AGBL1: variants seen among roughly 807,000 people sequenced by gnomAD.
AGBL1 encodes cytosolic carboxypeptidase 4.
A neutral mutation model predicts 118.9 loss-of-function variants in AGBL1; 130 were observed. That is an observed-to-expected ratio of 1.09 (90% CI 0.95 to 1.26). AGBL1 has a LOEUF of 1.26. Ranked by LOEUF, AGBL1 falls within the 50% of genes most tolerant of loss-of-function variation. The pLI, the probability that AGBL1 is intolerant of heterozygous loss-of-function variation, is 0.00. For missense variants in AGBL1, 1,584 were observed against 1,298.1 expected (o/e 1.22, Z -3.38); for synonymous variants, 555 against 478.9 (o/e 1.16, Z -2.08).
chr15:86,220,103 C>T (rs2078257717), intron 5 of AGBL1, among the ~76,000 whole-genome samples: 1 of 152,008 alleles, frequency 6.6e-6, no homozygotes, highest in Non-Finnish European at 1.5e-5. Flanking sequence ...AGGGGCCTGC[C>T]ACCATGCCCA....
chr15:86,199,841 C>G (rs2077875135), intron 5 of AGBL1, among the ~76,000 whole-genome samples: 1 of 152,136 alleles, frequency 6.6e-6, no homozygotes, highest in Admixed American at 6.5e-5. Context: ...TATGTATCAA[C>G]AAATACTCTG....
intron 5 of AGBL1, among the ~76,000 whole-genome samples, chr15:86,166,441 C>A (rs563770160): frequency 7.2e-5 from 11 of 152,276 alleles, no homozygotes; most frequent in Middle Eastern, 3.4e-3. Flanking sequence ...GCAGACAGGG[C>A]CTCTGCTTTG....
At chr15:86,654,753 G>A (rs1488951198) in intron 21 of AGBL1, among the ~76,000 whole-genome samples, 2 of 152,026 alleles carry the variant, frequency 1.3e-5, no homozygotes, top group African/African-American at 4.8e-5. Context: ...TCCCCTTCAT[G>A]GTAAACCTTT....
At chr15:86,234,771 G>A (rs939013624) in intron 6 of AGBL1, among the ~76,000 whole-genome samples, 2 of 152,172 alleles carry the variant, frequency 1.3e-5, no homozygotes, top group Admixed American at 6.5e-5. Context: ...GTTTAAAAGA[G>A]TGGGAGTACA....
intron 22 of AGBL1, among the ~76,000 whole-genome samples, chr15:86,760,425 C>A (rs1367123995): frequency 6.6e-6 from 1 of 152,088 alleles, no homozygotes; most frequent in African/African-American, 2.4e-5. Context: ...TCCCTAGATT[C>A]CCCTAGACCA....
intron 24 of AGBL1, among the ~76,000 whole-genome samples, chr15:87,005,500 C>T (rs1313643771): frequency 4.6e-5 from 7 of 152,204 alleles, no homozygotes; most frequent in Non-Finnish European, 1.5e-5. Context: ...GAACCTTGTG[C>T]ATTCGTCACA....
chr15:86,825,727 G>A (rs2079001662), intron 22 of AGBL1, among the ~76,000 whole-genome samples: 1 of 150,776 alleles, frequency 6.6e-6, no homozygotes, highest in Non-Finnish European at 1.5e-5. Flanking sequence ...GAGGGAGGGA[G>A]GGAGGTAGGG....
intron 22 of AGBL1, among the ~76,000 whole-genome samples, chr15:86,899,153 G>A (rs1369333693): frequency 6.6e-6 from 1 of 152,136 alleles, no homozygotes; most frequent in Non-Finnish European, 1.5e-5. Context: ...GCCCATCGAT[G>A]ATAGACTGGG....
chr15:86,866,167 C>T (rs1567214445), intron 22 of AGBL1, among the ~76,000 whole-genome samples: 1 of 152,130 alleles, frequency 6.6e-6, no homozygotes, highest in Non-Finnish European at 1.5e-5. Flanking sequence ...CATTTTTCTT[C>T]TCATAACTGG....
intron 23 of AGBL1, among the ~76,000 whole-genome samples, chr15:86,980,999 G>T (rs2141721218): frequency 6.9e-6 from 1 of 144,488 alleles, no homozygotes; most frequent in East Asian, 2.1e-4. Flanking sequence ...CAATTCTCCT[G>T]TCTCAGACTC....
At chr15:87,017,263 A>C (rs2081616269) in intron 24 of AGBL1, among the ~76,000 whole-genome samples, 1 of 152,072 alleles carries the variant, frequency 6.6e-6, no homozygotes, top group South Asian at 2.1e-4. Context: ...AACACAGCAC[A>C]ATTCTGCTAC....
intron 18 of AGBL1, among the ~76,000 whole-genome samples, chr15:86,421,565 G>A (rs889419010): frequency 1.5e-4 from 23 of 152,116 alleles, no homozygotes; most frequent in African/African-American, 5.3e-4. Context: ...AAAATAACCA[G>A]CTAGCATCAT....
At chr15:86,859,098 A>G (rs577277389) in intron 22 of AGBL1, among the ~76,000 whole-genome samples, 1 of 152,362 alleles carries the variant, frequency 6.6e-6, no homozygotes, top group South Asian at 2.1e-4. Context: ...TAGTGAAAGC[A>G]TGCTCCAAGG....
In AGBL1 at chr15:86,257,027, A is replaced by G. The variant is rs200544184; in HGVS notation, c.901+9A>G. The G allele has an allele frequency of 1.1e-4, 180 of 1,612,370 alleles. 2 individuals carry two copies. In the South Asian group the frequency reaches 1.9e-3, roughly 17 times the overall value. On this transcript the variant is annotated intron_variant, in intron 8 of 22. Coordinates refer to ENST00000614907, the MANE Select transcript of AGBL1 (RefSeq NM_001386094.1). ...ACATGATCTACCTGAAGGTAAAATA[A>G]GTTGGTAACTATGACCTTTAAGATG...
Position 86,143,745 on chromosome 15 carries a change from A to G in AGBL1, c.162A>G (p.Glu54=), listed in dbSNP as rs2141652893. ...IHYMISKGGS[E]ALLQTLVDTA... ...ACATGATCAGCAAGGGTGGCAGTGAAGCTCTTCTGCAGACCCTGGTAGACA... is the reference window on the plus strand; with the variant it reads ...ACATGATCAGCAAGGGTGGCAGTGAGGCTCTTCTGCAGACCCTGGTAGACA... The change falls in exon 3 of 23, where the codon GAA becomes GAG. Residue 54 remains glutamate (E), a synonymous_variant. Transcript: ENST00000614907. The G allele has an allele frequency of 6.2e-7, 1 of 1,613,886 alleles. No individual in the cohort carries two copies. The highest frequency in any genetic ancestry group is 1.1e-5 in the South Asian group (1 of 91,082).
chr15:86,311,823 G>A lies in AGBL1; in HGVS notation c.2374+16415G>A, dbSNP rs547339784. On this transcript the variant is annotated intron_variant, in intron 17 of 22. Coordinates refer to ENST00000614907, the MANE Select transcript of AGBL1 (RefSeq NM_001386094.1). ...GCTTGCTTGAGGTACCTTCAGCTGC[G>A]GAAGGAGCTTGTTCCCTTGCAGCTG... Among the ~76,000 whole-genome samples, 9 of 152,236 alleles carry A rather than the reference G, an allele frequency of 5.9e-5. No homozygotes were observed. In the South Asian group the frequency reaches 1.7e-3, roughly 28 times the overall value.
chr15:86,685,853 A>G (rs572347570), intron 22 of AGBL1, among the ~76,000 whole-genome samples: 146 of 152,310 alleles, frequency 9.6e-4, no homozygotes, highest in African/African-American at 3.3e-3. Flanking sequence ...TTCCAGGATG[A>G]AGTGGAAAAA....
chr15:86,843,299 A>G (rs1251781529), intron 22 of AGBL1, among the ~76,000 whole-genome samples: 2 of 152,096 alleles, frequency 1.3e-5, no homozygotes, highest in Non-Finnish European at 2.9e-5. Flanking sequence ...AGCAGCAAGA[A>G]TAGTATAGGT....
intron 22 of AGBL1, among the ~76,000 whole-genome samples, chr15:86,744,009 G>A (rs1230654524): frequency 1.3e-5 from 2 of 152,022 alleles, no homozygotes; most frequent in South Asian, 4.1e-4. Flanking sequence ...TTAGAACAAT[G>A]CCATCTTATT....
Sources: allele counts gnomAD v4.1 joint callset (sites outside exome capture counted in the v4.1 genomes callset), GRCh38; gene constraint gnomAD v4.1.1; transcripts MANE v1.5; gene names NCBI Gene and HGNC (gene_info 2026-07-23, HGNC 2026-07-21).